The following NLGN1 variants were observed in gnomAD, a reference collection of about 807,000 sequenced individuals.
NLGN1 encodes the protein neuroligin 1, also known as neuroligin-1.
NLGN1 carries 12 observed loss-of-function variants against 65.5 expected under a neutral mutation model. The observed-to-expected ratio is 0.18, with a 90% CI of 0.12 to 0.30. The LOEUF (loss-of-function observed/expected upper bound fraction) is 0.30, where lower values mean the gene tolerates loss of function less well. NLGN1 is among the 10% of genes least tolerant of loss of function. The pLI is 1.00. For synonymous variants in NLGN1, 350 were observed against 359.5 expected (o/e 0.97, Z 0.30); for missense variants, 750 against 1,007.1 (o/e 0.74, Z 3.46).
chr3:173,701,977 C>T (rs1199999037), intron 3 of NLGN1, among the ~76,000 whole-genome samples: 13 of 152,134 alleles, frequency 8.5e-5, no homozygotes, highest in Non-Finnish European at 5.9e-5. Context: ...CGGTGGCTCA[C>T]GCCTGTAATC....
chr3:173,447,267 T>G (rs570028870), intron 2 of NLGN1, among the ~76,000 whole-genome samples: 141 of 152,374 alleles, frequency 9.3e-4, no homozygotes, highest in African/African-American at 3.3e-3. Flanking sequence ...GGATCCAGTT[T>G]CAGCTTTCTA....
At chr3:174,286,651 TTGAC>T (rs894699819), downstream of NLGN1, 5 of 151,612 alleles carry the variant, frequency 3.3e-5, no homozygotes, top group African/African-American at 1.2e-4. Flanking sequence ...CCAAGTTGTG[TTGAC>T]TATTTTTAAA....
chr3:174,035,108 A>G (rs1997060), intron 4 of NLGN1, among the ~76,000 whole-genome samples: 27,574 of 152,170 alleles, frequency 0.18, 2,686 homozygotes, highest in East Asian at 0.34. Context: ...CACCATGACA[A>G]ATTTTTAAAA....
At chr3:173,406,072 A>G (rs912214390) in intron 1 of NLGN1, among the ~76,000 whole-genome samples, 4 of 152,146 alleles carry the variant, frequency 2.6e-5, no homozygotes, top group African/African-American at 9.7e-5. Context: ...AATATTTTAC[A>G]TGTTTTGGGA....
intron 1 of NLGN1, among the ~76,000 whole-genome samples, chr3:173,405,963 A>G (rs1455174642): frequency 2.6e-5 from 4 of 152,152 alleles, no homozygotes; most frequent in Non-Finnish European, 5.9e-5. Flanking sequence ...AGTATGATAT[A>G]AATACATAAT....
At chr3:174,192,446 T>C (rs1429460659) in intron 4 of NLGN1, among the ~76,000 whole-genome samples, 2 of 152,190 alleles carry the variant, frequency 1.3e-5, no homozygotes, top group Non-Finnish European at 2.9e-5. Flanking sequence ...AAATCAGAGA[T>C]TCTATGCAGA....
At chr3:174,288,866 T>C (rs1411084751), downstream of NLGN1, among the ~76,000 whole-genome samples, 1 of 151,568 alleles carries the variant, frequency 6.6e-6, no homozygotes, top group Non-Finnish European at 1.5e-5. Flanking sequence ...TGAGATGTAC[T>C]TTCTACTAAA....
At chr3:174,289,967 A>G (rs200300994), downstream of NLGN1, among the ~76,000 whole-genome samples, 353 of 104,386 alleles carry the variant, frequency 3.4e-3, 1 homozygote, top group African/African-American at 5.8e-3. Flanking sequence ...ATATATATAT[A>G]TGTATATATA....
At chr3:173,821,218 C>G (rs1720228117) in intron 4 of NLGN1, among the ~76,000 whole-genome samples, 1 of 152,122 alleles carries the variant, frequency 6.6e-6, no homozygotes, top group Non-Finnish European at 1.5e-5. Flanking sequence ...AAGAGAAATA[C>G]TAATTTCTGT....
At chr3:173,832,409 A>G (rs2150603900) in intron 4 of NLGN1, among the ~76,000 whole-genome samples, 1 of 152,350 alleles carries the variant, frequency 6.6e-6, no homozygotes, top group South Asian at 2.1e-4. Flanking sequence ...TTTGGATAAT[A>G]CAGGATTGAT....
At chr3:173,465,627 T>G (rs994514449) in intron 2 of NLGN1, among the ~76,000 whole-genome samples, 52 of 152,258 alleles carry the variant, frequency 3.4e-4, no homozygotes, top group Admixed American at 3.3e-3. Context: ...TGTTTTAGAT[T>G]AGAGGTAAGA....
At chr3:173,809,855 T>A (rs1341454794) in intron 4 of NLGN1, among the ~76,000 whole-genome samples, 1 of 152,228 alleles carries the variant, frequency 6.6e-6, no homozygotes, top group Non-Finnish European at 1.5e-5. Flanking sequence ...TCACTTGGTT[T>A]AGATAGTAGC....
At chr3:173,868,698 A>G (rs1037634184) in intron 4 of NLGN1, among the ~76,000 whole-genome samples, 4 of 152,192 alleles carry the variant, frequency 2.6e-5, no homozygotes, top group African/African-American at 9.6e-5. Context: ...CACTGGGCAT[A>G]TTAATCTTTG....
chr3:173,713,370 C>G (rs1205331243), intron 3 of NLGN1, among the ~76,000 whole-genome samples: 1 of 152,006 alleles, frequency 6.6e-6, no homozygotes, highest in Non-Finnish European at 1.5e-5. Flanking sequence ...GTTCTTTTGT[C>G]TTTTAAATTA....
chr3:173,983,667 C>T (rs544497703), intron 4 of NLGN1, among the ~76,000 whole-genome samples: 1 of 152,178 alleles, frequency 6.6e-6, no homozygotes, highest in African/African-American at 2.4e-5. Flanking sequence ...ATGCACAGCT[C>T]TTCCTTTGCC....
At chr3:173,827,994 C>T (rs1370157191) in intron 4 of NLGN1, among the ~76,000 whole-genome samples, 1 of 152,068 alleles carries the variant, frequency 6.6e-6, no homozygotes, top group African/African-American at 2.4e-5. Context: ...TCACAGACAA[C>T]ACCTGGAAAT....
intron 4 of NLGN1, among the ~76,000 whole-genome samples, chr3:174,034,632 T>G (rs1402145391): frequency 1.3e-5 from 2 of 152,100 alleles, no homozygotes; most frequent in African/African-American, 4.8e-5. Flanking sequence ...TCGATTAGTT[T>G]AAAATATATA....
exon 7 of NLGN1, chr3:174,285,714 A>C (rs1314392147): frequency 6.6e-6 from 1 of 151,444 alleles, no homozygotes; most frequent in Non-Finnish European, 1.5e-5. Context: ...CCATTTGATA[A>C]GGGTTGTGGA....
chr3:173,496,027 C>A (rs544796286), intron 2 of NLGN1, among the ~76,000 whole-genome samples: 2 of 151,556 alleles, frequency 1.3e-5, no homozygotes, highest in African/African-American at 2.4e-5. Context: ...TTGCTAATTT[C>A]TCTATCTATG....
Sources: allele counts gnomAD v4.1 joint callset (sites outside exome capture counted in the v4.1 genomes callset), GRCh38; gene constraint gnomAD v4.1.1; transcripts MANE v1.5; gene names NCBI Gene and HGNC (gene_info 2026-07-23, HGNC 2026-07-21).